The following ASTE1 variants were observed in gnomAD, a reference collection of about 807,000 sequenced individuals.
ASTE1 encodes the protein asteroid structure-specific endonuclease 1.
A neutral mutation model predicts 45.8 loss-of-function variants in ASTE1; 49 were observed. The observed-to-expected ratio is 1.07, with a 90% CI of 0.85 to 1.36. The LOEUF is 1.36. Among genes scored for constraint, ASTE1 ranks in the 40% most tolerant of loss-of-function variants. The pLI, the probability that ASTE1 is intolerant of heterozygous loss-of-function variation, is 0.00. For synonymous variants in ASTE1, 296 were observed against 303.9 expected (o/e 0.97, Z 0.27); for missense variants, 709 against 804.0 (o/e 0.88, Z 1.43).
At position 131,023,916 on chromosome 3, in the gene ASTE1, T is replaced by C. The variant is rs917680881; in HGVS notation, c.1302+89A>G. 2.6e-5 allele frequency: 34 copies of C among 1,327,360 alleles called. No homozygotes were observed. The African/African-American group carries it at 4.3e-4, about 17-fold the overall frequency. The allele number at this position is 1,327,360 out of a possible 1,614,324, so 82.2% of individuals were successfully genotyped here. On this transcript the variant is annotated intron_variant, in intron 3 of 5. Transcript: ENST00000264992. ...AAGATAGCACTCAACCTCATCAGTT[T>C]GTTATAGTAAGTGAACTAATATAGA...
Position 131,024,540 on chromosome 3 carries a change from A to G in ASTE1, c.767T>C (p.Ile256Thr), listed in dbSNP as rs772438329. Residue 256 changes from isoleucine to threonine, a missense_variant, in exon 3 of 6, where the codon ATC becomes ACC. Coordinates refer to ENST00000264992, the MANE Select transcript of ASTE1 (RefSeq NM_014065.4). The part of the protein sequence containing the change: ...TSSKGRRHHR[I>T]LGLLNWLSHF... Reference sequence around the variant, plus strand: ...AGACAACCAATTCAGAAGTCCCAGGATTCGGTGGTGTCTCCTCCCTTTAGA... The same window carrying G: ...AGACAACCAATTCAGAAGTCCCAGGGTTCGGTGGTGTCTCCTCCCTTTAGA... 6.2e-7 allele frequency: 1 copy of G among 1,614,138 alleles called. No homozygotes were observed. The highest frequency in any genetic ancestry group is 8.5e-7 in the Non-Finnish European group (1 of 1,180,030).
Position 131,024,482 on chromosome 3 carries a change from A to G in ASTE1, c.825T>C (p.Asn275=), listed in dbSNP as rs765239671. ...CCTTTTTTGGGAGGTATTTCAGAAC[A>G]TTATCTAGTGCTTCGGTAGGGTTGG... ...HFANPTEALD[N]VLKYLPKKDR... Residue 275 remains asparagine (N), a synonymous_variant, in exon 3 of 6, where the codon AAT becomes AAC. Coordinates refer to ENST00000264992, the MANE Select transcript of ASTE1 (RefSeq NM_014065.4). 3 of 1,614,060 alleles carry G rather than the reference A, an allele frequency of 1.9e-6. No individual in the cohort carries two copies. Among genetic ancestry groups the G allele is most frequent in the African/African-American group, 1.3e-5 (1 of 74,930 alleles).
chr3:131,018,760 G>A, intron 3 of ASTE1, 44 bp from the exon 4 acceptor site: 1 of 1,581,318 alleles, frequency 6.3e-7, no homozygotes, highest in Non-Finnish European at 8.7e-7. Flanking sequence ...TTTGGGAAAT[G>A]TCTGTTATTT....
intron 5 of ASTE1, among the ~76,000 whole-genome samples, chr3:131,014,784 G>A (rs547309282): frequency 3.3e-5 from 5 of 152,250 alleles, no homozygotes; most frequent in Admixed American, 3.3e-4. Context: ...CATTCACTGA[G>A]ACTAAAAACC....
At chr3:131,026,016 C>T (rs767870003) in intron 1 of ASTE1, among the ~76,000 whole-genome samples, 5 of 152,220 alleles carry the variant, frequency 3.3e-5, no homozygotes, top group Non-Finnish European at 7.3e-5. Context: ...TACGCTTCCT[C>T]ACCTGGCTAA....
chr3:131,015,301 T>A, intron 5 of ASTE1: 1 of 681,302 alleles, frequency 1.5e-6, no homozygotes. Context: ...CCCACAGAGT[T>A]TACATCTGAG....
chr3:131,020,355 G>A (rs967636352), intron 3 of ASTE1, among the ~76,000 whole-genome samples: 2 of 152,192 alleles, frequency 1.3e-5, no homozygotes, highest in Non-Finnish European at 2.9e-5. Context: ...CCCAGGGGGA[G>A]CGAAAGCACA....
chr3:131,018,487 G>A lies in ASTE1; in HGVS notation c.1513+19C>T. The A allele has an allele frequency of 6.2e-7, 1 of 1,607,756 alleles. No homozygotes were observed. Among genetic ancestry groups the A allele is most frequent in the Non-Finnish European group, 8.5e-7 (1 of 1,174,406 alleles). On this transcript the variant is annotated intron_variant, in intron 4 of 5. Transcript: ENST00000264992. ...AAGCAACATGCCACAATATACTCCT[G>A]TAATTTCCAGTTACCTACCAGGGCT... is the stretch of plus-strand genomic sequence containing the variant.
intron 4 of ASTE1, among the ~76,000 whole-genome samples, chr3:131,017,631 T>C (rs2063671757): frequency 6.6e-6 from 1 of 152,194 alleles, no homozygotes; most frequent in African/African-American, 2.4e-5. Context: ...TTTCAGCATT[T>C]ACTTCACCTG....
At chr3:131,016,955 TG>T in intron 4 of ASTE1, 1 of 1,275,366 alleles carries the variant, frequency 7.8e-7, no homozygotes, top group Admixed American at 2.3e-5. Flanking sequence ...AAATAACATC[TG>T]GACCAATTTG....
At chr3:131,016,975 A>C in intron 4 of ASTE1, 1 of 1,287,698 alleles carries the variant, frequency 7.8e-7, no homozygotes. Flanking sequence ...TGAAAATAAT[A>C]AAAAGGAGGC....
intron 1 of ASTE1, chr3:131,026,303 T>C (rs914977828): frequency 2.6e-5 from 4 of 152,266 alleles, no homozygotes; most frequent in African/African-American, 4.8e-5. Context: ...CTTTGCAAGA[T>C]AGTTTTGTAA....
Position 131,014,134 on chromosome 3 carries a change from A to C in ASTE1, c.1963T>G (p.Tyr655Asp). ...AACCCAAACCGGTTGTTTCCCTCAT[A>C]CCAACACTTGGTGTGTGCAGTGGTT... ...GRTTAHTKCWYEGNNRFGLLM... is the reference protein window; with the variant it reads ...GRTTAHTKCWDEGNNRFGLLM... Residue 655 changes from tyrosine to aspartate, a missense_variant, in exon 6 of 6, where the codon TAT (tyrosine) becomes GAT (aspartate). Tyr to Asp is a radical substitution (Grantham distance 160). Coordinates refer to ENST00000264992, the MANE Select transcript of ASTE1 (RefSeq NM_014065.4). 2 of 1,613,020 alleles carry C rather than the reference A, an allele frequency of 1.2e-6. No homozygotes were observed. The highest frequency in any genetic ancestry group is 1.7e-6 in the Non-Finnish European group (2 of 1,179,846).
In ASTE1 at chr3:131,024,213, G is replaced by A; in HGVS notation, c.1094C>T (p.Ala365Val). The stretch of plus-strand genomic sequence containing the variant: ...CCTGATGGGCTGAGATATTCTGTGG[G>A]CATTTGGTTGCTGCATGTTTTCCAC... ...TQVENMQQPN[A>V]HRISQPIRQI... The change falls in exon 3 of 6, where the codon GCC becomes GTC. Residue 365 changes from alanine to valine, a missense_variant. Transcript: ENST00000264992. 6.2e-7 allele frequency: 1 copy of A among 1,614,192 alleles called. No individual in the cohort carries two copies. The highest frequency in any genetic ancestry group is 2.2e-5 in the East Asian group (1 of 44,884).
chr3:131,025,882 C>G (rs556427240), intron 1 of ASTE1, among the ~76,000 whole-genome samples: 1 of 152,184 alleles, frequency 6.6e-6, no homozygotes, highest in Non-Finnish European at 1.5e-5. Context: ...TTTGTGGGCC[C>G]TTCTTAATTG....
intron 5 of ASTE1, 73 bp from the exon 6 acceptor site, chr3:131,014,460 G>T: frequency 7.1e-7 from 1 of 1,400,056 alleles, no homozygotes; most frequent in East Asian, 2.3e-5. Context: ...CATTGACATA[G>T]CTTCAACAAA....
intron 5 of ASTE1, 94 bp from the exon 6 acceptor site, chr3:131,014,481 C>G: frequency 8.4e-7 from 1 of 1,191,520 alleles, no homozygotes; most frequent in Non-Finnish European, 1.2e-6. Flanking sequence ...TGCATCTAAA[C>G]AATGAGAGCT....
chr3:131,017,114 G>A (rs2063658938), intron 4 of ASTE1: 9 of 1,117,318 alleles, frequency 8.1e-6, no homozygotes, highest in Non-Finnish European at 1.1e-5. Flanking sequence ...AACTTAATAG[G>A]CTTGTGCTCT....
chr3:131,024,781 T>C lies in ASTE1; in HGVS notation c.526A>G (p.Asn176Asp). The stretch of plus-strand genomic sequence containing the variant: ...TTCATATTTCTCCACTGAAAGCTAT[T>C]CAATGGGCAAAACCCAGTTTTCAGG... ...FDLKTGFCPL[N>D]SFQWRNMNTI... is the part of the protein sequence containing the mutation. Residue 176 changes from asparagine (N) to aspartate (D), a missense_variant, in exon 3 of 6, where the codon AAT becomes GAT. Physicochemically the swap from Asn to Asp is conservative, Grantham distance 23. Coordinates refer to ENST00000264992, the MANE Select transcript of ASTE1 (RefSeq NM_014065.4). The C allele has an allele frequency of 6.2e-7, 1 of 1,614,168 alleles. No individual in the cohort carries two copies. Among genetic ancestry groups the C allele is most frequent in the Non-Finnish European group, 8.5e-7 (1 of 1,180,010 alleles).
Sources: gnomAD v4.1 joint callset for allele counts (sites outside exome capture counted in the v4.1 genomes callset) on GRCh38, gnomAD v4.1.1 for gene constraint, MANE v1.5 for transcripts, NCBI Gene and HGNC (gene_info 2026-07-23, HGNC 2026-07-21) for gene names.